The following MYBL2 variants were observed in gnomAD, a reference collection of about 807,000 sequenced individuals.
MYBL2 encodes MYB proto-oncogene like 2.
A neutral mutation model predicts 79.9 loss-of-function variants in MYBL2; 28 were observed. The observed-to-expected ratio is 0.35, with a 90% confidence interval of 0.26 to 0.48. The LOEUF (loss-of-function observed/expected upper bound fraction) is 0.48. MYBL2 is among the 20% of genes least tolerant of loss of function. The probability of loss-of-function intolerance (pLI) is 0.99; values close to 1 mark genes in which losing one functional copy is unlikely to be tolerated. For synonymous variants in MYBL2, 378 were observed against 361.2 expected (o/e 1.05, Z -0.53); for missense variants, 735 against 893.9 (o/e 0.82, Z 2.27).
chr20:43,697,533 C>T lies in MYBL2; in HGVS notation c.664-2224C>T, dbSNP rs535731808. ...GGCTGAGGCATGAGAATCACCTGAA[C>T]CTGGGAGGTGGAGGTTGCAGTGAGC... On this transcript the variant is annotated intron_variant, in intron 6 of 13. Transcript: ENST00000217026. Among the ~76,000 whole-genome samples the T allele has an allele frequency of 2.0e-5, 3 of 151,970 alleles. No individual in the cohort carries two copies. In the South Asian group the frequency reaches 6.2e-4, roughly 32 times the overall value.
chr20:43,671,410 C>G (rs1364469224), intron 1 of MYBL2, among the ~76,000 whole-genome samples: 1 of 151,576 alleles, frequency 6.6e-6, no homozygotes, highest in Non-Finnish European at 1.5e-5. Flanking sequence ...CCCACCTCGG[C>G]CTCCCAAAGT....
chr20:43,678,553 G>C (rs1987070451), intron 2 of MYBL2, among the ~76,000 whole-genome samples: 1 of 151,956 alleles, frequency 6.6e-6, no homozygotes. Flanking sequence ...TGCTGTGTGG[G>C]GGATCGATAA....
chr20:43,672,487 C>T (rs984883624), intron 1 of MYBL2, among the ~76,000 whole-genome samples: 2 of 151,574 alleles, frequency 1.3e-5, no homozygotes, highest in Admixed American at 6.6e-5. Flanking sequence ...GGCTCAGGCC[C>T]GTAATACCAG....
At chr20:43,694,532 T>G (rs1184150072) in intron 6 of MYBL2, among the ~76,000 whole-genome samples, 1 of 152,200 alleles carries the variant, frequency 6.6e-6, no homozygotes, top group Non-Finnish European at 1.5e-5. Flanking sequence ...GATAACTTGT[T>G]GACAGTTACA....
intron 11 of MYBL2, among the ~76,000 whole-genome samples, chr20:43,712,699 T>C (rs1987935666): frequency 6.6e-6 from 1 of 152,142 alleles, no homozygotes; most frequent in South Asian, 2.1e-4. Flanking sequence ...GGGCTGTGTC[T>C]GGTCCATTCG....
At chr20:43,676,576 G>A (rs574958183) in intron 2 of MYBL2, among the ~76,000 whole-genome samples, 239 of 152,340 alleles carry the variant, frequency 1.6e-3, no homozygotes, top group African/African-American at 5.1e-3. Context: ...GTTGATGGAT[G>A]TTTGGACTGT....
At chr20:43,700,296 G>A (rs556737185) in intron 7 of MYBL2, among the ~76,000 whole-genome samples, 4 of 152,304 alleles carry the variant, frequency 2.6e-5, no homozygotes, top group African/African-American at 9.6e-5. Context: ...GGCACAGGGC[G>A]GGGTGGGAAG....
intron 2 of MYBL2, among the ~76,000 whole-genome samples, chr20:43,675,477 C>A (rs1013171696): frequency 3.9e-5 from 6 of 151,992 alleles, no homozygotes; most frequent in Non-Finnish European, 8.8e-5. Flanking sequence ...TCATGCCCAG[C>A]TAATTCTTGT....
At chr20:43,714,468 C>T (rs1290830579) in intron 12 of MYBL2, among the ~76,000 whole-genome samples, 2 of 152,148 alleles carry the variant, frequency 1.3e-5, no homozygotes, top group Non-Finnish European at 1.5e-5. Flanking sequence ...GGCCTGGGGG[C>T]TGCACGGCAC....
At chr20:43,686,771 A>G in intron 4 of MYBL2, 81 bp from the exon 5 acceptor site, 5 of 1,399,158 alleles carry the variant, frequency 3.6e-6, no homozygotes, top group Middle Eastern at 2.2e-4. Flanking sequence ...GGCCATGGCA[A>G]GGCTCAGGTG....
intron 3 of MYBL2, among the ~76,000 whole-genome samples, chr20:43,682,522 TAA>T (rs919206682): frequency 6.6e-6 from 1 of 152,204 alleles, no homozygotes; most frequent in African/African-American, 2.4e-5. Flanking sequence ...TACAAGGAAT[TAA>T]AGACTTGTGA....
intron 6 of MYBL2, among the ~76,000 whole-genome samples, chr20:43,695,966 C>A (rs758879650): frequency 2.0e-5 from 3 of 151,952 alleles, no homozygotes; most frequent in Admixed American, 6.6e-5. Flanking sequence ...TGCAGTGAGC[C>A]GAGTTCGCAC....
intron 8 of MYBL2, among the ~76,000 whole-genome samples, chr20:43,703,579 G>A (rs551092477): frequency 1.4e-4 from 21 of 152,308 alleles, no homozygotes; most frequent in African/African-American, 4.3e-4. Flanking sequence ...GCACAGAAAA[G>A]GAAGGACAGA....
chr20:43,681,160 C>G (rs1274497936), intron 2 of MYBL2, among the ~76,000 whole-genome samples: 1 of 152,170 alleles, frequency 6.6e-6, no homozygotes, highest in Non-Finnish European at 1.5e-5. Context: ...AGCCTGTCTT[C>G]TAACTACTCT....
chr20:43,704,731 T>A lies in MYBL2; in HGVS notation c.1366-488T>A, dbSNP rs547894493. On this transcript the variant is annotated intron_variant, in intron 8 of 13. Coordinates refer to ENST00000217026, the MANE Select transcript of MYBL2 (RefSeq NM_002466.4). Reference sequence around the variant, plus strand: ...TTTCTTATCTGTAAAAGGGGGATAGTAATAGTGCCTATGTCTCAGGATTTG... The same window carrying A: ...TTTCTTATCTGTAAAAGGGGGATAGAAATAGTGCCTATGTCTCAGGATTTG... 2.0e-5 allele frequency among the ~76,000 whole-genome samples: 3 copies of A among 152,350 alleles called. No individual in the cohort carries two copies. In the South Asian group the frequency reaches 6.2e-4, roughly 32 times the overall value.
intron 6 of MYBL2, among the ~76,000 whole-genome samples, chr20:43,698,400 CAG>C (rs1193767519): frequency 1.8e-5 from 2 of 113,500 alleles, no homozygotes; most frequent in Non-Finnish European, 3.4e-5. Flanking sequence ...TTTTTTGAGA[CAG>C]AGTCTCGTTC....
chr20:43,710,381 A>C (rs924850155), intron 10 of MYBL2, among the ~76,000 whole-genome samples: 28 of 152,182 alleles, frequency 1.8e-4, no homozygotes, highest in African/African-American at 6.5e-4. Context: ...GGCAAAGATA[A>C]GCACTGGGCC....
At position 43,696,262 on chromosome 20, in the gene MYBL2, C is replaced by T. The variant is rs561798409; in HGVS notation, c.664-3495C>T. On this transcript the variant is annotated intron_variant, in intron 6 of 13. Transcript: ENST00000217026. ...TCTCAACTTTTTTTTTTTTTTGAGA[C>T]GGAGTTTTGCTCTTGTTGCCCAGGC... Among the ~76,000 whole-genome samples the T allele has an allele frequency of 4.1e-4, 61 of 150,170 alleles. 1 individual carries two copies. The South Asian group carries it at 0.012, about 30-fold the overall frequency.
intron 2 of MYBL2, among the ~76,000 whole-genome samples, chr20:43,680,982 C>G (rs1271301730): frequency 3.9e-5 from 6 of 152,148 alleles, no homozygotes; most frequent in Non-Finnish European, 8.8e-5. Flanking sequence ...CAGACAACCA[C>G]TTTTTGTCCC....
Sources: allele counts gnomAD v4.1 joint callset (sites outside exome capture counted in the v4.1 genomes callset), GRCh38; gene constraint gnomAD v4.1.1; transcripts MANE v1.5; gene names NCBI Gene and HGNC (gene_info 2026-07-23, HGNC 2026-07-21).